The following KIAA0319L variants were observed in gnomAD, a reference collection of about 807,000 sequenced individuals.
KIAA0319L encodes the protein KIAA0319 like, also known as dyslexia-associated protein KIAA0319-like protein.
Under a neutral mutation model 120.1 loss-of-function variants are expected in KIAA0319L, and 55 were observed. The ratio of observed to expected loss-of-function variants is 0.46; its 90% CI spans 0.37 to 0.57. The LOEUF is 0.57. KIAA0319L is among the 20% of genes least tolerant of loss of function. The pLI is 0.00. For missense variants in KIAA0319L, 1,049 were observed against 1,255.3 expected (o/e 0.84, Z 2.48); for synonymous variants, 398 against 471.9 (o/e 0.84, Z 2.03).
chr1:35,526,408 T>TAC (rs1434904292), intron 2 of KIAA0319L, among the ~76,000 whole-genome samples: 30 of 136,802 alleles, frequency 2.2e-4, no homozygotes, highest in Admixed American at 7.5e-4. Context: ...TATATATATA[T>TAC]ATACACACAT....
intron 15 of KIAA0319L, among the ~76,000 whole-genome samples, chr1:35,449,526 G>A (rs1281910597): frequency 2.6e-5 from 4 of 152,196 alleles, no homozygotes; most frequent in African/African-American, 9.7e-5. Context: ...AGCACTCTGA[G>A]CCCTCTCTCA....
intron 2 of KIAA0319L, among the ~76,000 whole-genome samples, chr1:35,530,217 A>G (rs1450243639): frequency 7.2e-6 from 1 of 138,878 alleles, no homozygotes; most frequent in Non-Finnish European, 1.6e-5. Context: ...TTTTTTTTGT[A>G]AAGTCAGGGC....
chr1:35,512,555 CAA>C (rs1645495490), intron 2 of KIAA0319L, among the ~76,000 whole-genome samples: 1 of 151,850 alleles, frequency 6.6e-6, no homozygotes, highest in South Asian at 2.1e-4. Context: ...AAGGAGTAGT[CAA>C]AAGTTACCAG....
At chr1:35,448,059 T>C in intron 16 of KIAA0319L, 114 bp downstream of exon 16, 1 of 1,010,654 alleles carries the variant, frequency 9.9e-7, no homozygotes, top group South Asian at 1.7e-5. Context: ...AACATGAGTG[T>C]TTCTGGTCAG....
At chr1:35,487,073 T>C (rs940071212) in intron 3 of KIAA0319L, among the ~76,000 whole-genome samples, 1 of 152,182 alleles carries the variant, frequency 6.6e-6, no homozygotes, top group African/African-American at 2.4e-5. Context: ...TTCCTGTGCA[T>C]GTCTGGTAAT....
intron 18 of KIAA0319L, 84 bp from the exon 19 acceptor site, chr1:35,442,420 G>T: frequency 9.8e-7 from 1 of 1,023,774 alleles, no homozygotes; most frequent in Non-Finnish European, 1.6e-6. Flanking sequence ...GGGCAGGTGT[G>T]GCTTCACTCT....
At position 35,450,009 on chromosome 1, in the gene KIAA0319L, T is replaced by C; in HGVS notation, c.2215-4A>G. The C allele has an allele frequency of 6.2e-7, 1 of 1,614,096 alleles. No homozygotes were observed. Among genetic ancestry groups the C allele is most frequent in the Non-Finnish European group, 8.5e-7 (1 of 1,179,962 alleles). Reference sequence around the variant, plus strand: ...GGTCAGAGTGATTTAACACCTCCTGTAGGGTTGAACAACATGGCTATGTTA... The same window carrying C: ...GGTCAGAGTGATTTAACACCTCCTGCAGGGTTGAACAACATGGCTATGTTA... On this transcript the variant is annotated splice_region_variant and splice_polypyrimidine_tract_variant and intron_variant, in intron 14 of 20. Coordinates refer to ENST00000325722, the MANE Select transcript of KIAA0319L (RefSeq NM_024874.5).
intron 2 of KIAA0319L, among the ~76,000 whole-genome samples, chr1:35,544,085 G>T (rs1646893068): frequency 6.6e-6 from 1 of 152,002 alleles, no homozygotes. Context: ...CCTGAAGACT[G>T]GGCCGGGCAT....
intron 7 of KIAA0319L, among the ~76,000 whole-genome samples, chr1:35,463,831 A>G (rs929133748): frequency 3.3e-5 from 5 of 152,106 alleles, no homozygotes; most frequent in African/African-American, 1.2e-4. Flanking sequence ...GGAGGTGATT[A>G]AATTATGGGG....
chr1:35,469,746 C>A (rs1180615717), intron 6 of KIAA0319L, among the ~76,000 whole-genome samples: 1 of 151,968 alleles, frequency 6.6e-6, no homozygotes, highest in Non-Finnish European at 1.5e-5. Context: ...CTACTAGACT[C>A]TATTGTTCTT....
chr1:35,485,100 G>A (rs1324476448), intron 3 of KIAA0319L, among the ~76,000 whole-genome samples: 1 of 151,380 alleles, frequency 6.6e-6, no homozygotes, highest in Non-Finnish European at 1.5e-5. Flanking sequence ...CCTGAGCATG[G>A]GTTACACCTT....
chr1:35,444,197 AG>A lies in KIAA0319L; in HGVS notation c.2619del (p.Leu875Ter), dbSNP rs1312428637. The A allele has an allele frequency of 6.2e-7, 1 of 1,608,132 alleles. No individual in the cohort carries two copies. The highest frequency in any genetic ancestry group is 1.1e-5 in the South Asian group (1 of 89,728). Reference sequence around the variant, plus strand: ...ACTTCCAAGGCTCTGAATATCAAAAAGTCTGCCTTTTGCTTCCGCAGCTCAC... The same window carrying A: ...ACTTCCAAGGCTCTGAATATCAAAAATCTGCCTTTTGCTTCCGCAGCTCAC... ...LKSELRKQKA[D>X]FLIFRALEVN... is the part of the protein sequence containing the mutation. On this transcript the variant is annotated frameshift_variant, in exon 17 of 21. Transcript: ENST00000325722. LOFTEE classifies it high-confidence loss of function.
intron 3 of KIAA0319L, among the ~76,000 whole-genome samples, chr1:35,499,791 A>C (rs1356815436): frequency 2.6e-5 from 4 of 151,944 alleles, no homozygotes; most frequent in Non-Finnish European, 4.4e-5. Context: ...AAAAAAAAAA[A>C]AAAACCCTGA....
chr1:35,484,804 A>ATTTT (rs1446424002), intron 3 of KIAA0319L, among the ~76,000 whole-genome samples: 4 of 43,666 alleles, frequency 9.2e-5, no homozygotes, highest in East Asian at 1.8e-3. Context: ...ATATATATAT[A>ATTTT]TATTTTTTTT....
intron 2 of KIAA0319L, among the ~76,000 whole-genome samples, chr1:35,520,682 CT>C: frequency 6.6e-6 from 1 of 152,256 alleles, no homozygotes; most frequent in East Asian, 1.9e-4. Flanking sequence ...GACCTCCATT[CT>C]TTTCAAAATT....
chr1:35,450,634 G>A (rs1641990856), intron 13 of KIAA0319L, 125 bp from the exon 14 acceptor site: 1 of 867,384 alleles, frequency 1.2e-6, no homozygotes, highest in South Asian at 1.7e-5. Context: ...TTAAGTGCCT[G>A]TCCCTGCCAC....
At position 35,436,029 on chromosome 1, in the gene KIAA0319L, A is replaced by G. The variant is rs145683557; in HGVS notation, c.2963-948T>C. Among the ~76,000 whole-genome samples the G allele has an allele frequency of 9.9e-4, 150 of 152,250 alleles. 4 individuals carry two copies. In the East Asian group the frequency reaches 0.028, roughly 28 times the overall value. On this transcript the variant is annotated intron_variant, in intron 20 of 20. Coordinates refer to ENST00000325722, the MANE Select transcript of KIAA0319L (RefSeq NM_024874.5). ...TCCTTTCTAAAAAAGGTAACCAGTCAGGTGAGGGGTGGACATCTTAGGGAG... is the reference window on the plus strand; with the variant it reads ...TCCTTTCTAAAAAAGGTAACCAGTCGGGTGAGGGGTGGACATCTTAGGGAG...
intron 5 of KIAA0319L, among the ~76,000 whole-genome samples, chr1:35,472,587 G>A (rs369683828): frequency 1.4e-4 from 22 of 152,114 alleles, no homozygotes; most frequent in African/African-American, 4.8e-4. Context: ...GAGCCACCAC[G>A]CCCAGCCGGA....
At chr1:35,486,905 A>G (rs1460449436) in intron 3 of KIAA0319L, among the ~76,000 whole-genome samples, 1 of 152,018 alleles carries the variant, frequency 6.6e-6, no homozygotes, top group Non-Finnish European at 1.5e-5. Context: ...AATGAGACCC[A>G]AAAAAACAAA....
Sources: allele counts gnomAD v4.1 joint callset (sites outside exome capture counted in the v4.1 genomes callset), GRCh38; gene constraint gnomAD v4.1.1; transcripts MANE v1.5; gene names NCBI Gene and HGNC (gene_info 2026-07-23, HGNC 2026-07-21).